Variants in MALRD1 observed in about 807,000 individuals in gnomAD.
The protein encoded by MALRD1 is MAM and LDL receptor class A domain containing 1.
A neutral mutation model predicts 242.1 loss-of-function variants in MALRD1; 247 were observed. That is an observed-to-expected ratio of 1.02 (90% CI 0.92 to 1.13). MALRD1 has a LOEUF of 1.13. Ranked by LOEUF, MALRD1 falls within the 50% of genes most tolerant of loss-of-function variation. The pLI is 0.00. For missense variants in MALRD1, 2,989 were observed against 2,533.1 expected (o/e 1.18, Z -3.86); for synonymous variants, 995 against 866.6 (o/e 1.15, Z -2.60).
At chr10:19,146,377 T>C in intron 11 of MALRD1, 33 bp downstream of exon 11, 1 of 1,221,690 alleles carries the variant, frequency 8.2e-7, no homozygotes, top group Non-Finnish European at 1.0e-6. Flanking sequence ...AAAAAATAGT[T>C]TTCTTTCTTG....
chr10:19,713,733 G>C (rs1834249948), intron 38 of MALRD1, among the ~76,000 whole-genome samples: 1 of 152,216 alleles, frequency 6.6e-6, no homozygotes, highest in Non-Finnish European at 1.5e-5. Context: ...ATTGCAAGGA[G>C]AGAAAGTACT....
At chr10:19,664,176 T>G (rs1841569197) in intron 36 of MALRD1, among the ~76,000 whole-genome samples, 1 of 151,704 alleles carries the variant, frequency 6.6e-6, no homozygotes, top group African/African-American at 2.4e-5. Flanking sequence ...ATGAAATGCC[T>G]TTACACCATC....
intron 33 of MALRD1, among the ~76,000 whole-genome samples, chr10:19,578,755 A>G (rs1836955876): frequency 6.6e-6 from 1 of 151,888 alleles, no homozygotes; most frequent in Non-Finnish European, 1.5e-5. Flanking sequence ...CCAGTCCAAG[A>G]AGCAAAATAT....
chr10:19,619,275 C>T (rs1033828406), intron 36 of MALRD1, among the ~76,000 whole-genome samples: 3 of 151,952 alleles, frequency 2.0e-5, no homozygotes, highest in African/African-American at 4.8e-5. Context: ...TCTGGGAAGC[C>T]GATTCCAGCC....
chr10:19,165,036 C>A (rs1834613780), intron 12 of MALRD1, among the ~76,000 whole-genome samples: 1 of 150,892 alleles, frequency 6.6e-6, no homozygotes, highest in East Asian at 2.0e-4. Flanking sequence ...TTTAAGGAAA[C>A]TTTTTCTTGT....
intron 29 of MALRD1, among the ~76,000 whole-genome samples, chr10:19,455,920 C>T (rs4748580): frequency 0.44 from 67,309 of 151,466 alleles, 15,458 homozygotes; most frequent in African/African-American, 0.56. Context: ...CATTTGTCTC[C>T]TTCCCCAGTG....
intron 4 of MALRD1, among the ~76,000 whole-genome samples, chr10:19,096,473 T>G (rs1836038177): frequency 6.6e-6 from 1 of 152,212 alleles, no homozygotes; most frequent in South Asian, 2.1e-4. Flanking sequence ...TAGGAAACCA[T>G]ACGACTCTCT....
intron 38 of MALRD1, among the ~76,000 whole-genome samples, chr10:19,719,052 A>G (rs1299813428): frequency 1.3e-5 from 2 of 150,326 alleles, no homozygotes; most frequent in East Asian, 2.0e-4. Context: ...AGGGCTAGAT[A>G]CCCAAGAGGC....
chr10:19,109,430 G>T (rs1836596580), intron 5 of MALRD1, among the ~76,000 whole-genome samples: 1 of 152,134 alleles, frequency 6.6e-6, no homozygotes, highest in South Asian at 2.1e-4. Flanking sequence ...CTATCTCCGG[G>T]TCAGTCATGA....
intron 29 of MALRD1, among the ~76,000 whole-genome samples, chr10:19,485,399 T>C (rs1288156961): frequency 6.6e-6 from 1 of 152,124 alleles, no homozygotes; most frequent in African/African-American, 2.4e-5. Context: ...ATCCCAGCAC[T>C]TTGGGAGGCC....
At chr10:19,578,146 A>ATT (rs35924630) in intron 33 of MALRD1, among the ~76,000 whole-genome samples, 2 of 151,804 alleles carry the variant, frequency 1.3e-5, no homozygotes, top group Admixed American at 6.6e-5. Context: ...TTAAGAAAAG[A>ATT]TTTTTTTTCA....
intron 18 of MALRD1, among the ~76,000 whole-genome samples, chr10:19,242,460 C>T (rs1166329421): frequency 6.6e-6 from 1 of 152,068 alleles, no homozygotes; most frequent in Non-Finnish European, 1.5e-5. Context: ...TAGTTTGAGT[C>T]TGTCATTTTT....
chr10:19,136,279 G>C (rs942399647), intron 9 of MALRD1, among the ~76,000 whole-genome samples: 2 of 150,916 alleles, frequency 1.3e-5, no homozygotes, highest in African/African-American at 4.9e-5. Flanking sequence ...TGGGATGCTT[G>C]TTTTTTGCCT....
intron 33 of MALRD1, among the ~76,000 whole-genome samples, chr10:19,584,091 T>C (rs1009240656): frequency 2.5e-4 from 37 of 150,948 alleles, no homozygotes; most frequent in Admixed American, 1.1e-3. Context: ...CATTTTTTAT[T>C]GCGTCTATTT....
chr10:19,082,340 T>A (rs1307065550), intron 2 of MALRD1, among the ~76,000 whole-genome samples: 1 of 151,744 alleles, frequency 6.6e-6, no homozygotes, highest in Non-Finnish European at 1.5e-5. Flanking sequence ...TGCCACAAAT[T>A]ACATCATTAC....
chr10:19,592,760 C>CGT (rs1564467877), intron 33 of MALRD1, among the ~76,000 whole-genome samples: 9 of 99,696 alleles, frequency 9.0e-5, no homozygotes, highest in East Asian at 3.0e-4. Flanking sequence ...CACACACACA[C>CGT]ACGCACGCAC....
chr10:19,367,827 T>C (rs1845172983), intron 26 of MALRD1, among the ~76,000 whole-genome samples: 2 of 152,176 alleles, frequency 1.3e-5, no homozygotes, highest in Non-Finnish European at 2.9e-5. Flanking sequence ...TACCTCATTG[T>C]GATTTTGATT....
intron 33 of MALRD1, among the ~76,000 whole-genome samples, chr10:19,582,184 C>CTGA (rs1174428019): frequency 3.9e-5 from 6 of 152,018 alleles, no homozygotes; most frequent in Non-Finnish European, 7.4e-5. Context: ...CCTGTTCACT[C>CTGA]TGATGGTAGT....
intron 36 of MALRD1, among the ~76,000 whole-genome samples, chr10:19,667,924 TC>T (rs1841747336): frequency 6.6e-6 from 1 of 152,142 alleles, no homozygotes; most frequent in Non-Finnish European, 1.5e-5. Context: ...GCTGGCAGAT[TC>T]AGTGTCTGTT....
Sources: gnomAD v4.1 joint callset for allele counts (sites outside exome capture counted in the v4.1 genomes callset) on GRCh38, gnomAD v4.1.1 for gene constraint, MANE v1.5 for transcripts, NCBI Gene and HGNC (gene_info 2026-07-23, HGNC 2026-07-21) for gene names.